The following ATG7 variants were observed in gnomAD, a reference collection of about 807,000 sequenced individuals.
ATG7 encodes ubiquitin-like modifier-activating enzyme ATG7.
Under a neutral mutation model 82.4 loss-of-function variants are expected in ATG7, and 70 were observed. The observed-to-expected ratio is 0.85, with a 90% CI of 0.70 to 1.04. The LOEUF (loss-of-function observed/expected upper bound fraction) is 1.04, where lower values mean the gene tolerates loss of function less well. Among genes scored for constraint, ATG7 ranks in the 50% least tolerant of loss-of-function variants. The pLI is 0.00. For missense variants in ATG7, 792 were observed against 864.3 expected (o/e 0.92, Z 1.05); for synonymous variants, 287 against 313.0 (o/e 0.92, Z 0.88).
chr3:11,537,999 C>G (rs1048843750), intron 20 of ATG7, among the ~76,000 whole-genome samples: 2 of 115,818 alleles, frequency 1.7e-5, no homozygotes, highest in East Asian at 3.9e-4. Flanking sequence ...TAGAAGAGGC[C>G]AGGGAAAGGT....
chr3:11,419,247 T>C (rs916288376), intron 19 of ATG7, among the ~76,000 whole-genome samples: 1 of 152,178 alleles, frequency 6.6e-6, no homozygotes, highest in Non-Finnish European at 1.5e-5. Flanking sequence ...CCTGGAGTCA[T>C]TGTTTAAGAA....
At chr3:11,502,614 C>T (rs1435694434) in intron 20 of ATG7, among the ~76,000 whole-genome samples, 1 of 151,770 alleles carries the variant, frequency 6.6e-6, no homozygotes, top group Non-Finnish European at 1.5e-5. Context: ...TTTCTTAATC[C>T]AGTCTATCAT....
downstream of ATG7, chr3:11,559,386 C>T (rs200044987): frequency 7.3e-5 from 113 of 1,557,866 alleles, no homozygotes; most frequent in Admixed American, 1.1e-3. Flanking sequence ...CCGCTGTGCG[C>T]GATGGGGCAG....
chr3:11,449,343 C>G (rs2084884268), intron 20 of ATG7, among the ~76,000 whole-genome samples: 1 of 152,132 alleles, frequency 6.6e-6, no homozygotes, highest in Non-Finnish European at 1.5e-5. Context: ...GCACTCCAGC[C>G]TGGGTGATGG....
At chr3:11,447,360 A>G (rs1380256469) in intron 20 of ATG7, among the ~76,000 whole-genome samples, 1 of 151,974 alleles carries the variant, frequency 6.6e-6, no homozygotes, top group Admixed American at 6.6e-5. Flanking sequence ...CCAACTACTC[A>G]GGAGGCTGCA....
chr3:11,298,507 G>A (rs1575251651), intron 3 of ATG7, among the ~76,000 whole-genome samples, 179 bp from the exon 4 acceptor site: 1 of 152,114 alleles, frequency 6.6e-6, no homozygotes, highest in African/African-American at 2.4e-5. Flanking sequence ...TAATCAAGAT[G>A]GTAAAGTATA....
rs1185895314 is a variant in ATG7, at chr3:11,285,185, T to A, written c.-11+2747T>A. 3.5e-5 allele frequency among the ~76,000 whole-genome samples: 5 copies of A among 144,530 alleles called. No individual in the cohort carries two copies. The South Asian group carries it at 6.7e-4, about 19-fold the overall frequency. The allele number at this position is 144,530 out of a possible 152,430, so 94.8% of individuals were successfully genotyped here. A position where few individuals can be genotyped will look rare whatever the true frequency, so the allele number is the denominator to read the frequency against. Reference sequence around the variant, plus strand: ...AAAAGCCCGGCCTTTTTTTTTTTTTTAAATTCCTTCCTGTGACAGATTCTC... The same window carrying A: ...AAAAGCCCGGCCTTTTTTTTTTTTTAAAATTCCTTCCTGTGACAGATTCTC... On this transcript the variant is annotated intron_variant, in intron 3 of 20. Transcript: ENST00000693202.
At chr3:11,399,065 AGGCTGGGCGCAGT>A (rs1380827403) in intron 19 of ATG7, among the ~76,000 whole-genome samples, 10 of 152,198 alleles carry the variant, frequency 6.6e-5, no homozygotes, top group Non-Finnish European at 1.3e-4. Context: ...AATCAGATGC[AGGCTGGGCGCAGT>A]GGCTCACGCC....
chr3:11,446,300 A>G (rs914087663), intron 20 of ATG7, among the ~76,000 whole-genome samples: 6 of 152,020 alleles, frequency 3.9e-5, no homozygotes, highest in African/African-American at 1.5e-4. Flanking sequence ...TGATAACGAT[A>G]GAATAAGTCT....
chr3:11,532,880 G>T (rs1172014243), intron 20 of ATG7, among the ~76,000 whole-genome samples: 1 of 152,224 alleles, frequency 6.6e-6, no homozygotes, highest in Non-Finnish European at 1.5e-5. Context: ...ATTTTGTTGA[G>T]AGTTAAAAGT....
chr3:11,369,830 G>A (rs2076875049), intron 18 of ATG7, among the ~76,000 whole-genome samples: 1 of 151,174 alleles, frequency 6.6e-6, no homozygotes, highest in African/African-American at 2.4e-5. Context: ...CACTGGATGA[G>A]GCTGTCCTGT....
At chr3:11,416,650 T>C (rs934732253) in intron 19 of ATG7, among the ~76,000 whole-genome samples, 1 of 152,168 alleles carries the variant, frequency 6.6e-6, no homozygotes, top group Non-Finnish European at 1.5e-5. Flanking sequence ...AAGAACTAGC[T>C]TTTGGTTTTA....
At chr3:11,306,871 G>C (rs1379872877) in intron 5 of ATG7, 72 bp from the exon 6 acceptor site, 1 of 1,153,824 alleles carries the variant, frequency 8.7e-7, no homozygotes, top group Non-Finnish European at 1.3e-6. Context: ...TCCCACTACA[G>C]TGGTGGTTGA....
chr3:11,559,193 G>A (rs1160188554), downstream of ATG7: 8 of 1,377,260 alleles, frequency 5.8e-6, no homozygotes, highest in East Asian at 1.3e-4. Context: ...GGCGCACACT[G>A]GACGTGCTCA....
intron 20 of ATG7, among the ~76,000 whole-genome samples, chr3:11,506,278 C>T (rs1422399736): frequency 6.6e-6 from 1 of 152,126 alleles, no homozygotes; most frequent in Non-Finnish European, 1.5e-5. Flanking sequence ...CCATCCAGTG[C>T]GGTGGCCACT....
chr3:11,425,996 A>G (rs1016138259), intron 19 of ATG7, among the ~76,000 whole-genome samples: 6 of 152,202 alleles, frequency 3.9e-5, no homozygotes, highest in East Asian at 1.9e-4. Context: ...CTATACCACA[A>G]TCCATTTGTT....
Position 11,298,707 on chromosome 3 carries a change from T to C in ATG7, c.12T>C (p.Ala4=), listed in dbSNP as rs751522885. 1 of 1,614,036 alleles carries C rather than the reference T, an allele frequency of 6.2e-7. No individual in the cohort carries two copies. ...ATAGGCAAGAAATAATGGCGGCAGC[T>C]ACGGGGGATCCTGGACTCTCTAAAC... is the stretch of plus-strand genomic sequence containing the variant. MAA[A]TGDPGLSKLQ... is the part of the protein sequence containing the mutation. The change falls in exon 4 of 21, where the codon GCT becomes GCC. Residue 4 remains alanine, a synonymous_variant. Coordinates refer to ENST00000693202, the MANE Select transcript of ATG7 (RefSeq NM_001349232.2).
the ATG7 span, among the ~76,000 whole-genome samples, chr3:11,567,123 G>A: frequency 6.6e-6 from 1 of 152,144 alleles, no homozygotes; most frequent in African/African-American, 2.4e-5. Context: ...ATGTCATTCT[G>A]CGCCATCTCC....
intron 11 of ATG7, among the ~76,000 whole-genome samples, chr3:11,336,268 G>T (rs7625309): frequency 1.3e-5 from 2 of 151,164 alleles, no homozygotes; most frequent in African/African-American, 4.9e-5. Context: ...TCCTGAGCTC[G>T]GGCAATCTGC....
Sources: allele counts gnomAD v4.1 joint callset (sites outside exome capture counted in the v4.1 genomes callset), GRCh38; gene constraint gnomAD v4.1.1; transcripts MANE v1.5; gene names NCBI Gene and HGNC (gene_info 2026-07-23, HGNC 2026-07-21).